The following BCAS3 variants were observed in gnomAD, a reference collection of about 807,000 sequenced individuals.
BCAS3 encodes the protein BCAS4/BCAS3 fusion.
In BCAS3, 53 loss-of-function variants were observed where a neutral mutation model predicts 116.1. That is an observed-to-expected ratio of 0.46 (90% CI 0.37 to 0.57). The LOEUF (loss-of-function observed/expected upper bound fraction) is 0.57, where lower values mean the gene tolerates loss of function less well. Ranked by LOEUF, BCAS3 falls within the 20% of genes least tolerant of loss-of-function variation. The probability of loss-of-function intolerance (pLI) is 0.00; values close to 1 mark genes in which losing one functional copy is unlikely to be tolerated. For missense variants in BCAS3, 917 were observed against 1,165.4 expected (o/e 0.79, Z 3.10); for synonymous variants, 391 against 408.2 (o/e 0.96, Z 0.51).
chr17:60,682,166 A>T (rs887069548), intron 2 of BCAS3, among the ~76,000 whole-genome samples: 2 of 152,218 alleles, frequency 1.3e-5, no homozygotes, highest in African/African-American at 2.4e-5. Flanking sequence ...GAGAATACAT[A>T]TAAGGCTGTC....
At chr17:60,720,490 T>C (rs966683786) in intron 5 of BCAS3, 5 of 152,218 alleles carry the variant, frequency 3.3e-5, no homozygotes, top group South Asian at 2.1e-4. Flanking sequence ...AGAATATATT[T>C]ATTACATCAC....
intron 6 of BCAS3, among the ~76,000 whole-genome samples, chr17:60,786,945 C>G (rs1402879738): frequency 6.6e-6 from 1 of 152,050 alleles, no homozygotes; most frequent in African/African-American, 2.4e-5. Context: ...AAAGTTCAAG[C>G]CTTCATAAAG....
chr17:61,391,853 C>A lies in BCAS3; in HGVS notation c.2594-124C>A. On this transcript the variant is annotated intron_variant, in intron 23 of 23. Coordinates refer to ENST00000407086, the MANE Select transcript of BCAS3 (RefSeq NM_017679.5). This position sits in a 1 kb window ranked among gnomAD's most constrained non-coding sequence, Gnocchi z 7.7. ...GCCCATCCAGGGAGCAGGCGGGGAT[C>A]CCCCTGCGGAAGGACACAAGTGAAC... 1.9e-6 allele frequency: 2 copies of A among 1,040,816 alleles called. No individual in the cohort carries two copies. Among genetic ancestry groups the A allele is most frequent in the Non-Finnish European group, 2.8e-6 (2 of 714,086 alleles). The allele number at this position is 1,040,816 out of a possible 1,614,324, so 64.5% of individuals were successfully genotyped here. A position where few individuals can be genotyped will look rare whatever the true frequency, so the allele number is the denominator to read the frequency against.
At chr17:61,100,780 A>G (rs1164471510) in intron 22 of BCAS3, among the ~76,000 whole-genome samples, 3 of 152,206 alleles carry the variant, frequency 2.0e-5, no homozygotes, top group Middle Eastern at 3.2e-3. Context: ...CAAGGAGACC[A>G]TCTTTCCACT....
chr17:61,040,928 G>A (rs1017349861), intron 19 of BCAS3, 36 bp downstream of exon 19: 2 of 1,528,918 alleles, frequency 1.3e-6, no homozygotes, highest in Non-Finnish European at 1.8e-6. Context: ...CTTTCGTATG[G>A]TCTATTCAGA....
At chr17:60,706,919 A>G (rs73334303) in intron 4 of BCAS3, among the ~76,000 whole-genome samples, 9,889 of 148,366 alleles carry the variant, frequency 0.067, 1,094 homozygotes, top group African/African-American at 0.23. Context: ...GGCTCAAGCT[A>G]TCTTCCCATT....
intron 12 of BCAS3, among the ~76,000 whole-genome samples, chr17:60,911,623 C>T (rs1031972715): frequency 6.0e-5 from 9 of 150,928 alleles, no homozygotes; most frequent in African/African-American, 1.7e-4. Flanking sequence ...TTGGTAGAGA[C>T]GCGGTTTCGC....
Position 61,056,778 on chromosome 17 carries a change from C to G in BCAS3, c.2029+15886C>G, listed in dbSNP as rs567591310. Among the ~76,000 whole-genome samples the G allele has an allele frequency of 2.0e-5, 3 of 152,214 alleles. No individual in the cohort carries two copies. Among genetic ancestry groups the G allele is most frequent in the Non-Finnish European group, 4.4e-5 (3 of 68,040 alleles). On this transcript the variant is annotated intron_variant, in intron 19 of 23. Coordinates refer to ENST00000407086, the MANE Select transcript of BCAS3 (RefSeq NM_017679.5). This position sits in a 1 kb window ranked among gnomAD's most constrained non-coding sequence, Gnocchi z 4.9. ...TAAGTGATGTACTACTGCATGCTCT[C>G]AGATATTGAGACACAGAGGTGTTAT...
intron 5 of BCAS3, among the ~76,000 whole-genome samples, chr17:60,722,215 G>A (rs1364597936): frequency 1.3e-5 from 2 of 152,146 alleles, no homozygotes; most frequent in Non-Finnish European, 2.9e-5. Context: ...AATTTTTGGT[G>A]TACGTAAACA....
intron 22 of BCAS3, among the ~76,000 whole-genome samples, chr17:61,225,921 AT>A (rs2082347068): frequency 6.6e-6 from 1 of 152,164 alleles, no homozygotes; most frequent in African/African-American, 2.4e-5. Context: ...CAGAAGACCT[AT>A]TTTCTTTACA....
At chr17:60,838,607 A>T (rs1266488550) in intron 7 of BCAS3, among the ~76,000 whole-genome samples, 3 of 152,156 alleles carry the variant, frequency 2.0e-5, no homozygotes, top group African/African-American at 7.2e-5. Context: ...ATTGGATGAT[A>T]TGTTCACTGT....
chr17:61,044,470 A>G (rs1467682396), intron 19 of BCAS3, among the ~76,000 whole-genome samples: 1 of 145,948 alleles, frequency 6.9e-6, no homozygotes, highest in Non-Finnish European at 1.5e-5. Flanking sequence ...AAAAAAATAT[A>G]TATATATATG....
chr17:60,936,850 G>A lies in BCAS3; in HGVS notation c.1088-10369G>A, dbSNP rs532472111. 5.3e-5 allele frequency among the ~76,000 whole-genome samples: 8 copies of A among 152,228 alleles called. No individual in the cohort carries two copies. The South Asian group carries it at 8.3e-4, about 16-fold the overall frequency. Reference sequence around the variant, plus strand: ...TGGTAGTTTCTTTTGCTGTGCAGACGCTCTTTAGTTTAATTAGATCCCATT... The same window carrying A: ...TGGTAGTTTCTTTTGCTGTGCAGACACTCTTTAGTTTAATTAGATCCCATT... On this transcript the variant is annotated intron_variant, in intron 13 of 23. Transcript: ENST00000407086.
At chr17:60,926,220 C>T (rs1175620761) in intron 13 of BCAS3, among the ~76,000 whole-genome samples, 2 of 152,264 alleles carry the variant, frequency 1.3e-5, no homozygotes, top group African/African-American at 4.8e-5. Flanking sequence ...TAAAACTGCT[C>T]TTTTGTTTTC....
rs565399527 is a variant in BCAS3 at position 61,368,841 on chromosome 17, C to A, written c.2593+347C>A. ...TCCTCAGGTTGTACCTCTTCAGACA[C>A]GCTGGAGACTTAGAGATTGGCAAGT... On this transcript the variant is annotated intron_variant, in intron 23 of 23. Transcript: ENST00000407086. This position sits in a 1 kb window ranked among gnomAD's most constrained non-coding sequence, Gnocchi z 6.0. Among the ~76,000 whole-genome samples the A allele has an allele frequency of 6.6e-6, 1 of 152,204 alleles. No individual in the cohort carries two copies.
chr17:61,316,738 C>T lies in BCAS3; in HGVS notation c.2426-51589C>T, dbSNP rs2054776094. Reference sequence around the variant, plus strand: ...AATCCATGCCCTCGGAATGATGTGGCTCCTTCCTTTTTTAGTCAAACATCT... The same window carrying T: ...AATCCATGCCCTCGGAATGATGTGGTTCCTTCCTTTTTTAGTCAAACATCT... On this transcript the variant is annotated intron_variant, in intron 22 of 23. Coordinates refer to ENST00000407086, the MANE Select transcript of BCAS3 (RefSeq NM_017679.5). This position sits in a 1 kb window ranked among gnomAD's most constrained non-coding sequence, Gnocchi z 5.8. 2.0e-5 allele frequency among the ~76,000 whole-genome samples: 3 copies of T among 152,322 alleles called. 1 individual carries two copies. In the South Asian group the frequency reaches 6.2e-4, roughly 32 times the overall value.
At chr17:61,218,683 A>C (rs1282578338) in intron 22 of BCAS3, among the ~76,000 whole-genome samples, 2 of 152,188 alleles carry the variant, frequency 1.3e-5, no homozygotes, top group Non-Finnish European at 2.9e-5. Flanking sequence ...TTTTGTGATT[A>C]AATAGCCACT....
intron 22 of BCAS3, among the ~76,000 whole-genome samples, chr17:61,119,005 ATGGT>A (rs989033199): frequency 6.6e-6 from 1 of 152,042 alleles, no homozygotes. Context: ...TTTTAAATGG[ATGGT>A]TGGTTGGGAG....
intron 8 of BCAS3, among the ~76,000 whole-genome samples, chr17:60,874,149 C>T (rs774616726): frequency 9.2e-5 from 14 of 152,226 alleles, no homozygotes; most frequent in Non-Finnish European, 1.5e-4. Flanking sequence ...TCCCTGCAGT[C>T]TTGACCTCCT....
Sources: allele counts gnomAD v4.1 joint callset (sites outside exome capture counted in the v4.1 genomes callset), GRCh38; gene constraint gnomAD v4.1.1; non-coding constraint Gnocchi (gnomAD v3.1); transcripts MANE v1.5; gene names NCBI Gene and HGNC (gene_info 2026-07-23, HGNC 2026-07-21).